NHSL1: variants seen among roughly 807,000 people sequenced by gnomAD.
NHSL1 encodes the protein NHS like 1.
A neutral mutation model predicts 95.0 loss-of-function variants in NHSL1; 48 were observed. That is an observed-to-expected ratio of 0.51 (90% CI 0.40 to 0.64). The LOEUF (loss-of-function observed/expected upper bound fraction) is 0.64. Among genes scored for constraint, NHSL1 ranks in the 30% least tolerant of loss-of-function variants. The probability of loss-of-function intolerance (pLI) is 0.00; values close to 1 mark genes in which losing one functional copy is unlikely to be tolerated. For synonymous variants in NHSL1, 783 were observed against 833.9 expected (o/e 0.94, Z 1.05); for missense variants, 1,971 against 2,077.7 (o/e 0.95, Z 1.00).
At position 138,494,154 on chromosome 6, in the gene NHSL1, CT is replaced by C. The variant is rs1780220922; in HGVS notation, c.211+2064del. 3.3e-5 allele frequency among the ~76,000 whole-genome samples: 5 copies of C among 152,312 alleles called. No individual in the cohort carries two copies. In the South Asian group the frequency reaches 1.0e-3, roughly 32 times the overall value. On this transcript the variant is annotated intron_variant, in intron 2 of 7. Transcript: ENST00000343505. ...GTGAACCTATGGATAGCTATTCTTT[CT>C]CTCTCCAAGCAGAAGTTATCTGCCC...
At chr6:138,518,319 T>G (rs1006394128) in intron 1 of NHSL1, among the ~76,000 whole-genome samples, 1 of 151,972 alleles carries the variant, frequency 6.6e-6, no homozygotes, top group Non-Finnish European at 1.5e-5. Context: ...GCTAAGTCTA[T>G]CAACTCAACA....
At chr6:138,542,567 G>C in intron 1 of NHSL1, among the ~76,000 whole-genome samples, 1 of 152,304 alleles carries the variant, frequency 6.6e-6, no homozygotes, top group African/African-American at 2.4e-5. Flanking sequence ...CAAAACATCA[G>C]TCTGTAATGG....
chr6:138,565,548 T>A (rs1435509300), intron 1 of NHSL1, among the ~76,000 whole-genome samples: 1 of 152,152 alleles, frequency 6.6e-6, no homozygotes, highest in Non-Finnish European at 1.5e-5. Flanking sequence ...CTACGCTCTA[T>A]GAGGACGGAC....
chr6:138,493,213 G>A (rs974687033), intron 2 of NHSL1, among the ~76,000 whole-genome samples: 2 of 152,100 alleles, frequency 1.3e-5, no homozygotes, highest in Non-Finnish European at 2.9e-5. Flanking sequence ...CTCTTACGAA[G>A]TTTTTAAATC....
intron 1 of NHSL1, among the ~76,000 whole-genome samples, chr6:138,605,716 G>A (rs1396628014): frequency 6.6e-6 from 1 of 152,198 alleles, no homozygotes; most frequent in Non-Finnish European, 1.5e-5. Flanking sequence ...TCAGAGAACA[G>A]ACTCAACACC....
intron 1 of NHSL1, among the ~76,000 whole-genome samples, chr6:138,660,257 T>C (rs1212071367): frequency 1.3e-5 from 2 of 152,136 alleles, no homozygotes; most frequent in African/African-American, 4.8e-5. Context: ...TTTTGTATAC[T>C]TCCTCTACTT....
At chr6:138,598,581 A>T (rs1447732025) in intron 1 of NHSL1, among the ~76,000 whole-genome samples, 1 of 147,672 alleles carries the variant, frequency 6.8e-6, no homozygotes, top group Non-Finnish European at 1.5e-5. Context: ...TGAACATGCC[A>T]CTGCACTCTA....
At chr6:138,576,124 T>G (rs1783968141), upstream of NHSL1, among the ~76,000 whole-genome samples, 1 of 152,140 alleles carries the variant, frequency 6.6e-6, no homozygotes, top group Non-Finnish European at 1.5e-5. Flanking sequence ...CCCAAGTAGC[T>G]GGAACTACAG....
At chr6:138,613,683 C>T (rs978472170) in intron 1 of NHSL1, among the ~76,000 whole-genome samples, 9 of 152,192 alleles carry the variant, frequency 5.9e-5, no homozygotes, top group Non-Finnish European at 1.2e-4. Flanking sequence ...CTGCCACTGC[C>T]TCCAGGTGTT....
At chr6:138,601,667 C>A (rs574553190) in intron 1 of NHSL1, among the ~76,000 whole-genome samples, 1 of 151,992 alleles carries the variant, frequency 6.6e-6, no homozygotes, top group African/African-American at 2.4e-5. Context: ...CAAAAGTTGG[C>A]TGGGTGTAGT....
At position 138,427,979 on chromosome 6, in the gene NHSL1, A is replaced by G. The variant is rs568496082; in HGVS notation, c.4085+1732T>C. 2.0e-5 allele frequency among the ~76,000 whole-genome samples: 3 copies of G among 152,346 alleles called. No homozygotes were observed. In the South Asian group the frequency reaches 6.2e-4, roughly 32 times the overall value. ...CTCATACGTGCACTGAGTAACACCA[A>G]CTGACCGATTTCTACATCTGCAGTC... On this transcript the variant is annotated intron_variant, in intron 7 of 7. Coordinates refer to ENST00000343505, the MANE Select transcript of NHSL1 (RefSeq NM_001144060.2).
At chr6:138,558,371 G>A (rs913638826) in intron 1 of NHSL1, among the ~76,000 whole-genome samples, 9 of 148,732 alleles carry the variant, frequency 6.1e-5, no homozygotes, top group Admixed American at 2.0e-4. Flanking sequence ...ATCCACCTGC[G>A]TCAGCCTCCC....
rs767293281 is a variant in NHSL1 at position 138,432,187 on chromosome 6, G to A, written c.2158C>T (p.Pro720Ser). The A allele has an allele frequency of 1.2e-5, 18 of 1,546,574 alleles. No individual in the cohort carries two copies. The African/African-American group carries it at 1.9e-4, about 16-fold the overall frequency. The change falls in exon 6 of 8, where the codon CCC becomes TCC. Residue 720 changes from proline (P) to serine (S), a missense_variant. Physicochemically the swap from Pro to Ser is moderately conservative, Grantham distance 74. This residue lies in a region of NHSL1 where 1,602 missense variants were observed against 1,654.5 expected (regional missense o/e 0.97). Transcript: ENST00000343505. This position sits in a 1 kb window ranked among gnomAD's most constrained non-coding sequence, Gnocchi z 4.4. ...LSLPGKSGSS[P>S]SQSPCSDLEE... ...AAGTCACTGCAGGGGCTCTGGGAGGGCGAGCTGCCACTCTTGCCTGGGAGG... is the reference window on the plus strand; with the variant it reads ...AAGTCACTGCAGGGGCTCTGGGAGGACGAGCTGCCACTCTTGCCTGGGAGG...
chr6:138,522,573 G>A (rs975371850), intron 1 of NHSL1, among the ~76,000 whole-genome samples: 12 of 152,108 alleles, frequency 7.9e-5, no homozygotes, highest in South Asian at 2.1e-4. Context: ...CCCGGGAGGC[G>A]GAGGTTGCAG....
rs1260447332 is a variant in NHSL1 at position 138,544,266 on chromosome 6, ACAGTGT to A, written c.16+1351_16+1356del. ...TTTTGTAGAACAATTTTTGGAAGAAACAGTGTCATGAGAGCTCATAATGCCTTTCAT... is the reference window on the plus strand; with the variant it reads ...TTTTGTAGAACAATTTTTGGAAGAAACATGAGAGCTCATAATGCCTTTCAT... On this transcript the variant is annotated intron_variant, in intron 1 of 4. Transcript: ENST00000342260. 2.0e-5 allele frequency among the ~76,000 whole-genome samples: 3 copies of A among 152,190 alleles called. No homozygotes were observed. The East Asian group carries it at 5.8e-4, about 29-fold the overall frequency.
chr6:138,465,392 A>C (rs1778294599), intron 3 of NHSL1, among the ~76,000 whole-genome samples: 1 of 151,732 alleles, frequency 6.6e-6, no homozygotes, highest in Admixed American at 6.6e-5. Context: ...CTCCTAACTA[A>C]CTCCCTTCCT....
At chr6:138,489,871 AGG>A (rs1458794550) in intron 2 of NHSL1, among the ~76,000 whole-genome samples, 81 of 66,896 alleles carry the variant, frequency 1.2e-3, no homozygotes, top group South Asian at 4.6e-3. Context: ...AGAGAGAGAG[AGG>A]GAGAGAGGGA....
rs1169963480 is a variant in NHSL1 at position 138,431,673 on chromosome 6, G to A, written c.2672C>T (p.Ser891Phe). ...GGAAATGGATACTGAAGATATCAGA[G>A]AGGACTTCCTTTCTGGTACCTTGGG... The part of the protein sequence containing the change: ...PKPKVPERKS[S>F]LISSVSISSS... Residue 891 changes from serine (S) to phenylalanine (F), a missense_variant, in exon 6 of 8, where the codon TCT becomes TTT. Physicochemically the swap from Ser to Phe is radical, Grantham distance 155. This residue lies in a region of NHSL1 where 1,602 missense variants were observed against 1,654.5 expected (regional missense o/e 0.97). Coordinates refer to ENST00000343505, the MANE Select transcript of NHSL1 (RefSeq NM_001144060.2). The surrounding 1 kb of genome is among the most constrained non-coding windows in gnomAD (Gnocchi z 4.0). 10 of 1,551,376 alleles carry A rather than the reference G, an allele frequency of 6.4e-6. No homozygotes were observed. Among genetic ancestry groups the A allele is most frequent in the Non-Finnish European group, 8.7e-6 (10 of 1,146,794 alleles).
intron 1 of NHSL1, among the ~76,000 whole-genome samples, chr6:138,627,874 C>T (rs985173512): frequency 4.0e-5 from 6 of 151,616 alleles, no homozygotes; most frequent in African/African-American, 1.5e-4. Flanking sequence ...GAACAAGACT[C>T]CGTCTAAAAA....
Sources: gnomAD v4.1 joint callset for allele counts (sites outside exome capture counted in the v4.1 genomes callset) on GRCh38, gnomAD v4.1.1 for gene constraint, gnomAD v4.1.1 regional missense constraint, Gnocchi (gnomAD v3.1) non-coding constraint, MANE v1.5 for transcripts, NCBI Gene and HGNC (gene_info 2026-07-23, HGNC 2026-07-21) for gene names.